Variants in TSC22D2 observed in about 807,000 individuals in gnomAD.
The protein encoded by TSC22D2 is TSC22 domain family member 2, also known as TSC22 domain family protein 2.
In TSC22D2, 5 loss-of-function variants were observed where a neutral mutation model predicts 50.1. That is an observed-to-expected ratio of 0.10 (90% CI 0.05 to 0.21). The LOEUF (loss-of-function observed/expected upper bound fraction) is 0.21, where lower values mean the gene tolerates loss of function less well. Ranked by LOEUF, TSC22D2 falls within the 10% of genes least tolerant of loss-of-function variation. The pLI, the probability that TSC22D2 is intolerant of heterozygous loss-of-function variation, is 1.00. For synonymous variants in TSC22D2, 501 were observed against 450.1 expected, an observed-to-expected ratio of 1.11 and a Z score of -1.43; for missense variants, 1,003 against 1,015.5, an observed-to-expected ratio of 0.99 and a Z score of 0.17.
Position 150,410,555 on chromosome 3 carries a change from C to T in TSC22D2, c.1205C>T (p.Ala402Val), listed in dbSNP as rs1245736231. The T allele has an allele frequency of 6.5e-7, 1 of 1,548,774 alleles. No individual in the cohort carries two copies. ...SPAQPSSTGA[A>V]ASPATAATLP... is the part of the protein sequence containing the mutation. ...GCGCAGCCCTCGTCCACCGGCGCCG[C>T]AGCGAGCCCCGCCACGGCGGCCACC... The change falls in exon 1 of 3, where the codon GCA becomes GTA. Residue 402 changes from alanine to valine, a missense_variant. Transcript: ENST00000688009.
Position 150,410,493 on chromosome 3 carries a change from G to A in TSC22D2, c.1143G>A (p.Leu381=), listed in dbSNP as rs775434264. Reference sequence around the variant, plus strand: ...AGCCCTCCGGCCAGAGTGAGTACCTGCAGCAGCACGTGGCCGGCCTGCAGC... The same window carrying A: ...AGCCCTCCGGCCAGAGTGAGTACCTACAGCAGCACGTGGCCGGCCTGCAGC... ...PVQPSGQSEY[L]QQHVAGLQPP... is the part of the protein sequence containing the mutation. The change falls in exon 1 of 3, where the codon CTG becomes CTA. Residue 381 remains leucine, a synonymous_variant. Transcript: ENST00000688009. The A allele has an allele frequency of 2.7e-4, 435 of 1,603,654 alleles. No individual in the cohort carries two copies. Among genetic ancestry groups the A allele is most frequent in the Admixed American group, 5.1e-4 (30 of 59,360 alleles).
chr3:150,457,628 A>G (rs1029594409), intron 2 of TSC22D2, among the ~76,000 whole-genome samples: 2 of 152,014 alleles, frequency 1.3e-5, no homozygotes, highest in Non-Finnish European at 2.9e-5. Context: ...CCGTCTCTAC[A>G]AAAAAAGTTG....
In TSC22D2 at chr3:150,453,946, T is replaced by C. The variant is rs150853632; in HGVS notation, c.1959-3130T>C. ...TGAGTGCTCAGTGTGCCAAGTACTATGCATTATGTAAACTCATTTAATCCT... is the reference window on the plus strand; with the variant it reads ...TGAGTGCTCAGTGTGCCAAGTACTACGCATTATGTAAACTCATTTAATCCT... On this transcript the variant is annotated intron_variant, in intron 1 of 2. Transcript: ENST00000688009. Among the ~76,000 whole-genome samples the C allele has an allele frequency of 9.2e-5, 14 of 152,340 alleles. No homozygotes were observed. In the East Asian group the frequency reaches 1.7e-3, roughly 19 times the overall value.
intron 1 of TSC22D2, among the ~76,000 whole-genome samples, chr3:150,430,636 GTGCAGCTGAGGC>G (rs1720346595): frequency 6.6e-6 from 1 of 152,166 alleles, no homozygotes; most frequent in African/African-American, 2.4e-5. Context: ...AATATTTGGG[GTGCAGCTGAGGC>G]TGCAGACTTG....
At chr3:150,413,686 T>G (rs1180129350) in intron 1 of TSC22D2, among the ~76,000 whole-genome samples, 4 of 151,856 alleles carry the variant, frequency 2.6e-5, no homozygotes, top group African/African-American at 9.7e-5. Context: ...GATGAGTACT[T>G]TTGAGGAGAC....
intron 1 of TSC22D2, chr3:150,423,392 C>T (rs1026927232): frequency 4.5e-6 from 1 of 220,234 alleles, no homozygotes; most frequent in African/African-American, 2.3e-5. Context: ...GAAATAGTCA[C>T]TTCCCCAGTG....
At chr3:150,434,248 A>C (rs1341625031) in intron 1 of TSC22D2, among the ~76,000 whole-genome samples, 2 of 151,106 alleles carry the variant, frequency 1.3e-5, no homozygotes, top group East Asian at 3.9e-4. Context: ...TTCTAGGTTT[A>C]AGTGATTCTC....
Position 150,409,930 on chromosome 3 carries a change from G to T in TSC22D2, c.580G>T (p.Val194Phe). 2 of 1,613,976 alleles carry T rather than the reference G, an allele frequency of 1.2e-6. No individual in the cohort carries two copies. Among genetic ancestry groups the T allele is most frequent in the Non-Finnish European group, 1.7e-6 (2 of 1,180,040 alleles). Residue 194 changes from valine to phenylalanine, a missense_variant, in exon 1 of 3, where the codon GTC becomes TTC. Around this residue, in one of 6 missense-constraint regions of TSC22D2, gnomAD observed 696 missense variants for 647.8 expected, o/e 1.07. Transcript: ENST00000688009. This position sits in a 1 kb window ranked among gnomAD's most constrained non-coding sequence, Gnocchi z 7.4. The stretch of plus-strand genomic sequence containing the variant: ...CTATGAGAGGGATTCAGACAGCAGC[G>T]TCCTGACTAGATCCGGGGATTGCAT... Reference protein sequence around the residue: ...EYYERDSDSSVLTRSGDCIRH... With the variant: ...EYYERDSDSSFLTRSGDCIRH...
At chr3:150,416,265 C>A (rs892319221) in intron 1 of TSC22D2, among the ~76,000 whole-genome samples, 2 of 152,032 alleles carry the variant, frequency 1.3e-5, no homozygotes, top group African/African-American at 4.8e-5. Context: ...CTGTTTATTT[C>A]TTAATTGCAT....
intron 1 of TSC22D2, among the ~76,000 whole-genome samples, chr3:150,449,990 T>C (rs539027393): frequency 5.9e-5 from 9 of 152,190 alleles, no homozygotes; most frequent in African/African-American, 2.2e-4. Context: ...AAAAAAAAAT[T>C]AGACATGCAG....
At chr3:150,420,052 C>T (rs1261452272) in intron 1 of TSC22D2, among the ~76,000 whole-genome samples, 1 of 152,096 alleles carries the variant, frequency 6.6e-6, no homozygotes, top group East Asian at 1.9e-4. Context: ...TTTCAGTTGC[C>T]TCTTCATGCT....
At chr3:150,431,669 C>T (rs1327816411) in intron 1 of TSC22D2, among the ~76,000 whole-genome samples, 3 of 152,018 alleles carry the variant, frequency 2.0e-5, no homozygotes, top group Non-Finnish European at 4.4e-5. Flanking sequence ...TGGGAGTATT[C>T]GAAAGGCAAG....
At position 150,459,683 on chromosome 3, in the gene TSC22D2, C is replaced by T. The variant is rs1721323081; in HGVS notation, c.*1047C>T. 6.7e-6 allele frequency: 1 copy of T among 149,644 alleles called. No individual in the cohort carries two copies. The allele number at this position is 149,644 out of a possible 1,614,324, so 9.3% of individuals were successfully genotyped here. On this transcript the variant is annotated 3_prime_UTR_variant, in exon 3 of 3. Coordinates refer to ENST00000688009, the MANE Select transcript of TSC22D2 (RefSeq NM_001303264.2). Reference sequence around the variant, plus strand: ...TACTGTCTAGCATGATCTGCATGACCTATAATCTTTGAACCACTTTCGTAC... The same window carrying T: ...TACTGTCTAGCATGATCTGCATGACTTATAATCTTTGAACCACTTTCGTAC...
chr3:150,444,352 TC>T (rs1197976774), intron 1 of TSC22D2, among the ~76,000 whole-genome samples: 5 of 152,232 alleles, frequency 3.3e-5, no homozygotes, highest in African/African-American at 9.6e-5. Context: ...TCTGTCTTTT[TC>T]TTCAAGTAAT....
rs1266483886 is a variant in TSC22D2, at chr3:150,409,638, G to A, written c.288G>A (p.Ala96=). The A allele has an allele frequency of 1.2e-6, 2 of 1,607,780 alleles. No individual in the cohort carries two copies. The highest frequency in any genetic ancestry group is 8.5e-7 in the Non-Finnish European group (1 of 1,177,026). The change falls in exon 1 of 3, where the codon GCG becomes GCA. Residue 96 remains alanine (A), a synonymous_variant. Transcript: ENST00000688009. This position sits in a 1 kb window ranked among gnomAD's most constrained non-coding sequence, Gnocchi z 7.4. ...TCCTCCTAGATGGGCAGCTGGCAGC[G>A]GCGGCTGCTGCTCCCGCCAACGGAG... is the stretch of plus-strand genomic sequence containing the variant. ...PNLLLDGQLA[A]AAAAPANGGG... is the part of the protein sequence containing the mutation.
At chr3:150,458,262 T>TA in intron 2 of TSC22D2, 114 bp from the exon 3 acceptor site, 1 of 1,140,976 alleles carries the variant, frequency 8.8e-7, no homozygotes, top group East Asian at 2.4e-5. Flanking sequence ...GCAGAAACAT[T>TA]AAAAGCAAGA....
intron 2 of TSC22D2, among the ~76,000 whole-genome samples, chr3:150,457,988 A>G (rs1189515668): frequency 6.6e-6 from 1 of 152,208 alleles, no homozygotes; most frequent in Non-Finnish European, 1.5e-5. Flanking sequence ...CCAAAATTAC[A>G]GATCACTTTA....
chr3:150,428,291 A>G (rs1560084345), intron 1 of TSC22D2, among the ~76,000 whole-genome samples: 1 of 152,086 alleles, frequency 6.6e-6, no homozygotes, highest in Non-Finnish European at 1.5e-5. Flanking sequence ...TGTTTTCATC[A>G]GTAGTTTAGT....
chr3:150,410,700 G>A lies in TSC22D2; in HGVS notation c.1350G>A (p.Ala450=). Residue 450 remains alanine, a synonymous_variant, in exon 1 of 3, where the codon GCG becomes GCA. Coordinates refer to ENST00000688009, the MANE Select transcript of TSC22D2 (RefSeq NM_001303264.2). The part of the protein sequence containing the change: ...RTGPAQGGQV[A]PCQPTGVPPA... ...GACCAGCGCAAGGCGGGCAGGTCGCGCCTTGTCAGCCGACTGGAGTGCCCC... is the reference window on the plus strand; with the variant it reads ...GACCAGCGCAAGGCGGGCAGGTCGCACCTTGTCAGCCGACTGGAGTGCCCC... 1 of 1,572,968 alleles carries A rather than the reference G, an allele frequency of 6.4e-7. No homozygotes were observed. The highest frequency in any genetic ancestry group is 8.6e-7 in the Non-Finnish European group (1 of 1,160,984).
Sources: gnomAD v4.1 joint callset for allele counts (sites outside exome capture counted in the v4.1 genomes callset) on GRCh38, gnomAD v4.1.1 for gene constraint, gnomAD v4.1.1 regional missense constraint, Gnocchi (gnomAD v3.1) non-coding constraint, MANE v1.5 for transcripts, NCBI Gene and HGNC (gene_info 2026-07-23, HGNC 2026-07-21) for gene names.